The following RGS6 variants were observed in gnomAD, a reference collection of about 807,000 sequenced individuals.
RGS6 encodes regulator of G-protein signaling 6.
In RGS6, 30 loss-of-function variants were observed where a neutral mutation model predicts 78.5. The ratio of observed to expected loss-of-function variants is 0.38; its 90% confidence interval spans 0.29 to 0.52. RGS6 has a LOEUF of 0.52. Among genes scored for constraint, RGS6 ranks in the 20% least tolerant of loss-of-function variants. The pLI, the probability that RGS6 is intolerant of heterozygous loss-of-function variation, is 0.85. For synonymous variants in RGS6, 206 were observed against 206.0 expected (o/e 1.00, Z 0.00); for missense variants, 495 against 609.7 (o/e 0.81, Z 1.98).
At chr14:72,541,562 CG>C (rs1322473057) in intron 17 of RGS6, 1 of 1,535,552 alleles carries the variant, frequency 6.5e-7, no homozygotes, top group Non-Finnish European at 8.7e-7. Flanking sequence ...GAAGCTGCCA[CG>C]GGCTGTCAGA....
At chr14:72,404,013 G>T (rs1482870770) in intron 3 of RGS6, among the ~76,000 whole-genome samples, 1 of 152,172 alleles carries the variant, frequency 6.6e-6, no homozygotes, top group Non-Finnish European at 1.5e-5. Context: ...AAGTTTGGTT[G>T]GTAATGAATA....
At chr14:72,194,752 A>G (rs558963383) in intron 2 of RGS6, among the ~76,000 whole-genome samples, 1 of 152,236 alleles carries the variant, frequency 6.6e-6, no homozygotes, top group Non-Finnish European at 1.5e-5. Context: ...TTGTTATGGT[A>G]AAAAGAAAAA....
intron 3 of RGS6, among the ~76,000 whole-genome samples, chr14:72,453,442 C>A (rs1355543183): frequency 6.7e-6 from 1 of 149,508 alleles, no homozygotes; most frequent in African/African-American, 2.5e-5. Flanking sequence ...GGTGAAACCC[C>A]GTCTCTACTA....
At chr14:72,562,112 TA>T (rs921090197) in intron 17 of RGS6, among the ~76,000 whole-genome samples, 1 of 152,148 alleles carries the variant, frequency 6.6e-6, no homozygotes, top group Non-Finnish European at 1.5e-5. Flanking sequence ...TTGCTCTACC[TA>T]AAGGTTTAAA....
At chr14:72,597,986 G>T in the RGS6 span, among the ~76,000 whole-genome samples, 1 of 152,162 alleles carries the variant, frequency 6.6e-6, no homozygotes. Flanking sequence ...TCCTAAAATG[G>T]CCCACTTTCA....
At chr14:72,477,019 GAA>G in intron 11 of RGS6, 179 bp downstream of exon 11, 1 of 584,916 alleles carries the variant, frequency 1.7e-6, no homozygotes, top group Non-Finnish European at 3.0e-6. Context: ...AAGCTTGAGA[GAA>G]AGAATTCTCT....
intron 3 of RGS6, among the ~76,000 whole-genome samples, chr14:72,440,989 G>A (rs1464555214): frequency 1.3e-5 from 2 of 152,196 alleles, no homozygotes. Context: ...GTGTGTGCAG[G>A]TGGGTATGAG....
At chr14:72,600,700 G>A in the RGS6 span, among the ~76,000 whole-genome samples, 2 of 152,102 alleles carry the variant, frequency 1.3e-5, no homozygotes, top group South Asian at 2.1e-4. Context: ...CTGGACCCCT[G>A]CCGGGCTCCT....
the RGS6 span, among the ~76,000 whole-genome samples, chr14:72,574,908 G>T: frequency 6.6e-6 from 1 of 152,134 alleles, no homozygotes; most frequent in Non-Finnish European, 1.5e-5. Context: ...TTAGGGCCTA[G>T]CAGTGAGGGT....
chr14:72,150,790 A>G (rs1032057024), intron 2 of RGS6, among the ~76,000 whole-genome samples: 2 of 151,980 alleles, frequency 1.3e-5, no homozygotes, highest in Non-Finnish European at 2.9e-5. Flanking sequence ...CATTGATCCA[A>G]TCACCTCCTA....
At chr14:71,954,048 AT>A (rs1427367946) in intron 1 of RGS6, among the ~76,000 whole-genome samples, 1 of 114,306 alleles carries the variant, frequency 8.7e-6, no homozygotes, top group East Asian at 2.8e-4. Flanking sequence ...TGTAATTCTT[AT>A]CCTCATTCTT....
chr14:71,959,926 G>A (rs2093066890), intron 1 of RGS6, among the ~76,000 whole-genome samples: 1 of 152,188 alleles, frequency 6.6e-6, no homozygotes, highest in African/African-American at 2.4e-5. Flanking sequence ...CATTGTCAAA[G>A]GCCACATAGT....
chr14:72,518,453 T>A lies in RGS6; in HGVS notation c.1194T>A (p.Ser398Arg). 1 of 1,614,190 alleles carries A rather than the reference T, an allele frequency of 6.2e-7. No individual in the cohort carries two copies. The highest frequency in any genetic ancestry group is 8.5e-7 in the Non-Finnish European group (1 of 1,180,020). Reference protein sequence around the residue: ...WQEFLAPGAPSAINLDSHSYE... With the variant: ...WQEFLAPGAPRAINLDSHSYE... ...AGTTTCTGGCTCCAGGGGCTCCAAGTGCAATCAACCTGGATTCTCACAGCT... is the reference window on the plus strand; with the variant it reads ...AGTTTCTGGCTCCAGGGGCTCCAAGAGCAATCAACCTGGATTCTCACAGCT... Residue 398 changes from serine (S) to arginine (R), a missense_variant, in exon 15 of 18, where the codon AGT becomes AGA. Transcript: ENST00000553525.
intron 17 of RGS6, chr14:72,541,759 G>T: frequency 2.3e-6 from 2 of 888,016 alleles, no homozygotes; most frequent in Non-Finnish European, 3.3e-6. Context: ...AGCTCTTGAG[G>T]GTGACCGTGC....
chr14:72,541,640 C>T, intron 17 of RGS6: 2 of 1,534,014 alleles, frequency 1.3e-6, no homozygotes, highest in Non-Finnish European at 8.7e-7. Flanking sequence ...TCCCATCTCT[C>T]TCTGTTTGTC....
At chr14:72,165,535 G>A (rs1016954075) in intron 2 of RGS6, among the ~76,000 whole-genome samples, 4 of 152,204 alleles carry the variant, frequency 2.6e-5, no homozygotes, top group Admixed American at 6.5e-5. Context: ...GGGGCTTTGC[G>A]TTTATTTGTT....
intron 2 of RGS6, among the ~76,000 whole-genome samples, chr14:72,152,543 A>T (rs1451423248): frequency 6.6e-6 from 1 of 152,192 alleles, no homozygotes; most frequent in Non-Finnish European, 1.5e-5. Context: ...GCTGTGGCTG[A>T]CATACAGTTG....
At chr14:72,068,495 C>T (rs2094266082) in intron 2 of RGS6, among the ~76,000 whole-genome samples, 1 of 102,014 alleles carries the variant, frequency 9.8e-6, no homozygotes, top group Non-Finnish European at 1.9e-5. Flanking sequence ...TCCCACTCTT[C>T]CTATTTTTTT....
At chr14:72,579,738 T>C in the RGS6 span, among the ~76,000 whole-genome samples, 13 of 152,244 alleles carry the variant, frequency 8.5e-5, no homozygotes, top group South Asian at 2.7e-3. Context: ...TAATTCATAA[T>C]CTCACCAGGT....
Sources: gnomAD v4.1 joint callset for allele counts (sites outside exome capture counted in the v4.1 genomes callset) on GRCh38, gnomAD v4.1.1 for gene constraint, MANE v1.5 for transcripts, NCBI Gene and HGNC (gene_info 2026-07-23, HGNC 2026-07-21) for gene names.